The following LRPPRC variants were observed in gnomAD, a reference collection of about 807,000 sequenced individuals.
LRPPRC encodes the protein leucine-rich PPR motif-containing protein, mitochondrial.
A neutral mutation model predicts 180.3 loss-of-function variants in LRPPRC; 120 were observed. The ratio of observed to expected loss-of-function variants is 0.67; its 90% confidence interval spans 0.57 to 0.77. LRPPRC has a LOEUF of 0.77. Ranked by LOEUF, LRPPRC falls within the 30% of genes least tolerant of loss-of-function variation. The pLI is 0.00. For synonymous variants in LRPPRC, 723 were observed against 600.0 expected (o/e 1.21, Z -3.00); for missense variants, 2,012 against 1,657.2 (o/e 1.21, Z -3.72).
chr2:43,898,032 TCCTGAAATC>T (rs950883288), intron 34 of LRPPRC, among the ~76,000 whole-genome samples: 1 of 137,630 alleles, frequency 7.3e-6, no homozygotes. Context: ...ATTTTAAAAG[TCCTGAAATC>T]CCTATCATAA....
chr2:43,980,758 T>C (rs1480209350), intron 2 of LRPPRC, among the ~76,000 whole-genome samples: 1 of 152,132 alleles, frequency 6.6e-6, no homozygotes, highest in East Asian at 1.9e-4. Flanking sequence ...ATAAACCACT[T>C]AGTATGATTC....
chr2:43,984,891 G>T (rs529396388), intron 1 of LRPPRC, among the ~76,000 whole-genome samples: 3 of 152,050 alleles, frequency 2.0e-5, no homozygotes, highest in East Asian at 1.9e-4. Flanking sequence ...AAATGTCTCA[G>T]GTTCCTTCCA....
chr2:43,893,674 A>G (rs1320501316), intron 36 of LRPPRC, among the ~76,000 whole-genome samples: 2 of 152,208 alleles, frequency 1.3e-5, no homozygotes. Flanking sequence ...AACTTTGTTC[A>G]TTATATTTGC....
chr2:43,898,439 C>A (rs1039299072), intron 34 of LRPPRC, among the ~76,000 whole-genome samples: 1 of 152,220 alleles, frequency 6.6e-6, no homozygotes, highest in Admixed American at 6.5e-5. Flanking sequence ...GGAGTCTACA[C>A]AAACACAGCC....
At chr2:43,891,788 C>T (rs1670500890) in intron 36 of LRPPRC, among the ~76,000 whole-genome samples, 1 of 152,170 alleles carries the variant, frequency 6.6e-6, no homozygotes, top group Non-Finnish European at 1.5e-5. Context: ...AATGATTAAG[C>T]TTAGCTTAGT....
intron 23 of LRPPRC, among the ~76,000 whole-genome samples, chr2:43,937,335 A>C (rs1558971531): frequency 1.3e-5 from 2 of 152,268 alleles, no homozygotes; most frequent in South Asian, 4.1e-4. Context: ...CCTCATACAA[A>C]GTGTACTGGA....
chr2:43,913,317 C>A (rs969527521), intron 29 of LRPPRC, among the ~76,000 whole-genome samples: 1 of 152,172 alleles, frequency 6.6e-6, no homozygotes, highest in African/African-American at 2.4e-5. Context: ...ACTGAAACTA[C>A]AATCTACTCC....
At chr2:43,928,213 T>C (rs370146080) in intron 25 of LRPPRC, among the ~76,000 whole-genome samples, 3 of 152,172 alleles carry the variant, frequency 2.0e-5, no homozygotes, top group Non-Finnish European at 4.4e-5. Context: ...TTTACTTGTA[T>C]AGGGGAAAAA....
At chr2:43,960,005 C>T (rs1432805156) in intron 13 of LRPPRC, among the ~76,000 whole-genome samples, 1 of 152,176 alleles carries the variant, frequency 6.6e-6, no homozygotes, top group Non-Finnish European at 1.5e-5. Context: ...CTTCTCTATG[C>T]CTTTAGTCAT....
intron 1 of LRPPRC, 163 bp downstream of exon 1, chr2:43,995,636 C>G (rs1675016333): frequency 1.2e-5 from 8 of 644,520 alleles, no homozygotes; most frequent in Admixed American, 4.3e-5. Context: ...CCCTGTCACC[C>G]GAAAACCCCT....
intron 1 of LRPPRC, among the ~76,000 whole-genome samples, chr2:43,986,000 T>C (rs531219069): frequency 6.6e-6 from 1 of 152,372 alleles, no homozygotes; most frequent in East Asian, 1.9e-4. Context: ...TGCTGGATTG[T>C]TGCCATTCCG....
chr2:43,956,558 A>T (rs1041771092), intron 14 of LRPPRC, among the ~76,000 whole-genome samples: 1 of 148,858 alleles, frequency 6.7e-6, no homozygotes, highest in African/African-American at 2.5e-5. Flanking sequence ...GAGAAAGTAG[A>T]CACGGCAAAA....
intron 14 of LRPPRC, among the ~76,000 whole-genome samples, chr2:43,953,942 G>C (rs981605363): frequency 6.6e-6 from 1 of 152,176 alleles, no homozygotes; most frequent in Admixed American, 6.5e-5. Flanking sequence ...GGCCAAGGCT[G>C]GGGGTTCACT....
intron 14 of LRPPRC, among the ~76,000 whole-genome samples, chr2:43,952,756 T>C (rs925575723): frequency 4.6e-5 from 7 of 152,200 alleles, no homozygotes. Context: ...GGTAAGGCGA[T>C]GTAAAATACC....
chr2:43,931,860 A>C (rs909303874), intron 25 of LRPPRC, among the ~76,000 whole-genome samples: 10 of 152,082 alleles, frequency 6.6e-5, no homozygotes, highest in Non-Finnish European at 1.3e-4. Flanking sequence ...TAGCATTTGC[A>C]TGGCTTCCCA....
chr2:43,906,804 A>G (rs1671081360), intron 30 of LRPPRC, among the ~76,000 whole-genome samples: 1 of 152,124 alleles, frequency 6.6e-6, no homozygotes, highest in Non-Finnish European at 1.5e-5. Context: ...CCATTCTCTC[A>G]GTCACTTTCA....
At chr2:43,943,081 G>C (rs563240635) in intron 23 of LRPPRC, among the ~76,000 whole-genome samples, 7 of 151,954 alleles carry the variant, frequency 4.6e-5, no homozygotes, top group Non-Finnish European at 8.8e-5. Flanking sequence ...GATAAATTAC[G>C]CTTAGTCATC....
chr2:43,976,843 A>C, intron 5 of LRPPRC, 151 bp downstream of exon 5: 2 of 654,590 alleles, frequency 3.1e-6, no homozygotes, highest in Non-Finnish European at 5.4e-6. Context: ...TTTATATTTT[A>C]TGTAAGTCAG....
At position 43,952,417 on chromosome 2, in the gene LRPPRC, C is replaced by G. The variant is rs574083601; in HGVS notation, c.1650-1817G>C. ...TTCAAAACCAAGCTGTTGTAAGGAA[C>G]AGTTACCAGTGCCCAAACCAGTGCA... On this transcript the variant is annotated intron_variant, in intron 14 of 37. Coordinates refer to ENST00000260665, the MANE Select transcript of LRPPRC (RefSeq NM_133259.4). Among the ~76,000 whole-genome samples the G allele has an allele frequency of 1.5e-3, 228 of 152,282 alleles. 1 individual carries two copies. Among genetic ancestry groups the G allele is most frequent in the Non-Finnish European group, 2.8e-3 (193 of 68,004 alleles).
Sources: allele counts gnomAD v4.1 joint callset (sites outside exome capture counted in the v4.1 genomes callset), GRCh38; gene constraint gnomAD v4.1.1; transcripts MANE v1.5; gene names NCBI Gene and HGNC (gene_info 2026-07-23, HGNC 2026-07-21).